PDE1C: variants seen among roughly 807,000 people sequenced by gnomAD.
PDE1C encodes phosphodiesterase 1C.
PDE1C carries 62 observed loss-of-function variants against 93.1 expected under a neutral mutation model. The ratio of observed to expected loss-of-function variants is 0.67; its 90% CI spans 0.54 to 0.82. The LOEUF (loss-of-function observed/expected upper bound fraction) is 0.82. Among genes scored for constraint, PDE1C ranks in the 40% least tolerant of loss-of-function variants. PDE1C has a pLI of 0.00. For synonymous variants in PDE1C, 325 were observed against 310.1 expected, an observed-to-expected ratio of 1.05 and a Z score of -0.50; for missense variants, 742 against 884.6, an observed-to-expected ratio of 0.84 and a Z score of 2.04.
At chr7:32,080,980 T>A (rs1003394471) in intron 3 of PDE1C, among the ~76,000 whole-genome samples, 2 of 151,910 alleles carry the variant, frequency 1.3e-5, no homozygotes, top group Admixed American at 6.6e-5. Flanking sequence ...GAGCAGGGAG[T>A]GGGACTTGAT....
At chr7:31,647,989 T>C in the PDE1C span, among the ~76,000 whole-genome samples, 1 of 152,168 alleles carries the variant, frequency 6.6e-6, no homozygotes, top group East Asian at 1.9e-4. Flanking sequence ...GGTTTGTTGG[T>C]ATAACTAAAT....
chr7:31,703,008 C>T, the PDE1C span, among the ~76,000 whole-genome samples: 2 of 152,222 alleles, frequency 1.3e-5, no homozygotes, highest in African/African-American at 4.8e-5. Context: ...ATCCCTGGTT[C>T]TGCTCCATAC....
intron 2 of PDE1C, among the ~76,000 whole-genome samples, chr7:32,024,425 A>G (rs567169105): frequency 1.4e-4 from 22 of 151,746 alleles, no homozygotes; most frequent in Non-Finnish European, 2.8e-4. Context: ...GTGTGTATGT[A>G]TAAGAGAGCT....
At chr7:31,775,458 C>T (rs938402994) in intron 17 of PDE1C, among the ~76,000 whole-genome samples, 2 of 152,028 alleles carry the variant, frequency 1.3e-5, no homozygotes, top group African/African-American at 4.8e-5. Context: ...GTGAGGGGGA[C>T]GATTGTGAAC....
chr7:31,753,494 G>T lies in PDE1C; in HGVS notation c.2020C>A (p.Pro674Thr), dbSNP rs761605333. Residue 674 changes from proline (P) to threonine (T), a missense_variant, in exon 18 of 18, where the codon CCT becomes ACT. Physicochemically the swap from Pro to Thr is conservative, Grantham distance 38. Transcript: ENST00000396191. ...RPAYASSSYA[P>T]SVSKKTDEHP... ...TCATCAGTTTTCTTTGAGACTGAAG[G>T]TGCATAGGAGCTAGATGCGTAAGCA... 3.7e-6 allele frequency: 6 copies of T among 1,612,570 alleles called. No individual in the cohort carries two copies. In the Admixed American group the frequency reaches 1.0e-4, roughly 27 times the overall value.
At chr7:32,221,532 TGA>T (rs1470918840) in intron 1 of PDE1C, among the ~76,000 whole-genome samples, 2 of 152,292 alleles carry the variant, frequency 1.3e-5, no homozygotes, top group East Asian at 3.9e-4. Flanking sequence ...GACCAGGACC[TGA>T]GAGTCTGCAT....
chr7:31,843,024 A>T (rs1163641087), intron 9 of PDE1C, among the ~76,000 whole-genome samples: 2 of 151,980 alleles, frequency 1.3e-5, no homozygotes, highest in African/African-American at 4.8e-5. Context: ...TTAATTTTCA[A>T]ATATACAGGA....
At chr7:32,238,306 TTA>T (rs372250684) in intron 1 of PDE1C, among the ~76,000 whole-genome samples, 6 of 152,276 alleles carry the variant, frequency 3.9e-5, no homozygotes, top group African/African-American at 1.4e-4. Context: ...ATCAAAACCA[TTA>T]TGAAGAAACT....
chr7:32,077,731 C>G, intron 3 of PDE1C: 1 of 332,044 alleles, frequency 3.0e-6, no homozygotes, highest in Non-Finnish European at 4.3e-6. Flanking sequence ...CCACCACACC[C>G]GGCTAATTTT....
chr7:31,965,242 C>T (rs1292099921), intron 2 of PDE1C, among the ~76,000 whole-genome samples: 2 of 152,042 alleles, frequency 1.3e-5, no homozygotes, highest in African/African-American at 4.8e-5. Context: ...ACTAGAATAA[C>T]CAATGCAGAG....
At chr7:31,728,032 A>T in the PDE1C span, among the ~76,000 whole-genome samples, 4 of 152,198 alleles carry the variant, frequency 2.6e-5, no homozygotes, top group African/African-American at 9.6e-5. Context: ...TGACAGAGCA[A>T]GACTCCTTCT....
intron 2 of PDE1C, among the ~76,000 whole-genome samples, chr7:32,027,846 A>G (rs1789695365): frequency 6.6e-6 from 1 of 152,108 alleles, no homozygotes. Context: ...CAACAACAAA[A>G]AAATCTGATG....
At chr7:32,300,993 A>G (rs1419149970), upstream of PDE1C, among the ~76,000 whole-genome samples, 2 of 151,024 alleles carry the variant, frequency 1.3e-5, no homozygotes, top group African/African-American at 4.9e-5. Context: ...ACACGCCACC[A>G]CACCTGGCTG....
chr7:32,034,053 ACTGTGTGTGTG>A (rs1790688943), intron 2 of PDE1C, among the ~76,000 whole-genome samples: 1 of 78,450 alleles, frequency 1.3e-5, no homozygotes, highest in African/African-American at 8.7e-5. Context: ...AAGATGAGAG[ACTGTGTGTGTG>A]TGTGTGTGTG....
intron 14 of PDE1C, among the ~76,000 whole-genome samples, chr7:31,816,404 C>A (rs1788274605): frequency 6.6e-6 from 1 of 151,950 alleles, no homozygotes; most frequent in African/African-American, 2.4e-5. Context: ...ATTAATAAAC[C>A]AATATTATAA....
At chr7:32,371,608 TTACAAA>T (rs1294439822) in intron 1 of PDE1C, among the ~76,000 whole-genome samples, 2 of 152,186 alleles carry the variant, frequency 1.3e-5, no homozygotes, top group East Asian at 3.8e-4. Flanking sequence ...ACAATTTCAC[TTACAAA>T]TACTTAGGAC....
chr7:32,067,535 C>T (rs1563278072), intron 1 of PDE1C, among the ~76,000 whole-genome samples: 1 of 152,168 alleles, frequency 6.6e-6, no homozygotes, highest in Non-Finnish European at 1.5e-5. Context: ...CAGGTGATAA[C>T]CACAGAAATC....
At chr7:32,081,759 T>C (rs912270179) in intron 3 of PDE1C, among the ~76,000 whole-genome samples, 2 of 152,228 alleles carry the variant, frequency 1.3e-5, no homozygotes, top group Non-Finnish European at 2.9e-5. Context: ...GAAATCTAAC[T>C]TGGTTAAGGA....
intron 16 of PDE1C, chr7:31,786,978 A>G (rs1188229453): frequency 6.6e-6 from 1 of 151,246 alleles, no homozygotes; most frequent in East Asian, 1.9e-4. Flanking sequence ...CTATCTATCT[A>G]CCTACCTACC....
Sources: gnomAD v4.1 joint callset for allele counts (sites outside exome capture counted in the v4.1 genomes callset) on GRCh38, gnomAD v4.1.1 for gene constraint, MANE v1.5 for transcripts, NCBI Gene and HGNC (gene_info 2026-07-23, HGNC 2026-07-21) for gene names.